LRMDA: variants seen among roughly 807,000 people sequenced by gnomAD.
The protein encoded by LRMDA is leucine-rich melanocyte differentiation-associated protein.
LRMDA carries 18 observed loss-of-function variants against 29.8 expected under a neutral mutation model. That is an observed-to-expected ratio of 0.60 (90% confidence interval 0.42 to 0.90). LRMDA has a LOEUF of 0.90. LRMDA is among the 40% of genes least tolerant of loss of function. The probability of loss-of-function intolerance (pLI) is 0.00; values close to 1 mark genes in which losing one functional copy is unlikely to be tolerated. For synonymous variants in LRMDA, 125 were observed against 109.4 expected (o/e 1.14, Z -0.89); for missense variants, 273 against 273.9 (o/e 1.00, Z 0.02).
intron 5 of LRMDA, among the ~76,000 whole-genome samples, chr10:76,316,403 C>T (rs1400622683): frequency 1.3e-5 from 2 of 152,038 alleles, no homozygotes; most frequent in African/African-American, 4.8e-5. Context: ...GTGGCCGAAC[C>T]CCGTGCTCAC....
intron 6 of LRMDA, among the ~76,000 whole-genome samples, chr10:76,534,648 C>T (rs1843272200): frequency 1.3e-5 from 2 of 152,008 alleles, no homozygotes; most frequent in African/African-American, 2.4e-5. Flanking sequence ...TAAGATGGCT[C>T]ATTATAAAAA....
chr10:76,211,299 A>C (rs1225865225), intron 5 of LRMDA, among the ~76,000 whole-genome samples: 1 of 152,148 alleles, frequency 6.6e-6, no homozygotes, highest in Non-Finnish European at 1.5e-5. Flanking sequence ...CCTTTGATTC[A>C]CAGTGCCTGA....
chr10:76,424,117 G>A (rs1842098795), intron 6 of LRMDA, among the ~76,000 whole-genome samples: 1 of 152,110 alleles, frequency 6.6e-6, no homozygotes, highest in East Asian at 1.9e-4. Context: ...CAATATCAAT[G>A]GCTGTGGATA....
intron 2 of LRMDA, among the ~76,000 whole-genome samples, chr10:75,874,644 A>G (rs1367725747): frequency 1.3e-5 from 2 of 152,198 alleles, no homozygotes; most frequent in Non-Finnish European, 2.9e-5. Context: ...CAAGAGACCT[A>G]GGTATTATGG....
At chr10:76,370,641 A>G (rs943506029) in intron 6 of LRMDA, among the ~76,000 whole-genome samples, 3 of 152,152 alleles carry the variant, frequency 2.0e-5, no homozygotes, top group African/African-American at 7.2e-5. Context: ...AACTTTTATT[A>G]TAGTATATTG....
intron 6 of LRMDA, among the ~76,000 whole-genome samples, chr10:76,432,132 C>T (rs1052952178): frequency 6.6e-6 from 1 of 152,136 alleles, no homozygotes; most frequent in African/African-American, 2.4e-5. Context: ...GGCTGATTAT[C>T]TCCAAACTTT....
At position 75,808,127 on chromosome 10, in the gene LRMDA, C is replaced by T. The variant is rs543171636; in HGVS notation, c.132-227881C>T. Among the ~76,000 whole-genome samples, 11 of 152,190 alleles carry T rather than the reference C, an allele frequency of 7.2e-5. 1 individual carries two copies. Among genetic ancestry groups the T allele is most frequent in the African/African-American group, 2.6e-4 (11 of 41,542 alleles). The stretch of plus-strand genomic sequence containing the variant: ...GAATAGAATGAACACCTCCTTTTTT[C>T]AGCCTCATTCTTTAGTGTGGGAGAG... On this transcript the variant is annotated intron_variant, in intron 2 of 6. Coordinates refer to ENST00000611255, the MANE Select transcript of LRMDA (RefSeq NM_001305581.2).
intron 2 of LRMDA, among the ~76,000 whole-genome samples, chr10:75,639,189 A>C (rs1256699084): frequency 6.6e-6 from 1 of 152,214 alleles, no homozygotes; most frequent in Non-Finnish European, 1.5e-5. Flanking sequence ...TGTAGGGAAG[A>C]TAGGATTCTT....
intron 5 of LRMDA, among the ~76,000 whole-genome samples, chr10:76,250,498 A>G (rs1852457051): frequency 6.6e-6 from 1 of 152,204 alleles, no homozygotes; most frequent in Non-Finnish European, 1.5e-5. Flanking sequence ...GAATACTAAC[A>G]TAACTTTGGA....
intron 2 of LRMDA, among the ~76,000 whole-genome samples, chr10:75,984,721 G>C (rs1311165351): frequency 6.6e-6 from 1 of 152,250 alleles, no homozygotes; most frequent in Non-Finnish European, 1.5e-5. Flanking sequence ...TGAAGGCCAT[G>C]ATTCTCAATT....
chr10:76,288,996 T>C (rs936489651), intron 5 of LRMDA, among the ~76,000 whole-genome samples: 18 of 152,326 alleles, frequency 1.2e-4, no homozygotes, highest in African/African-American at 3.6e-4. Context: ...ATATTTAATA[T>C]GTTCATTCCA....
intron 6 of LRMDA, among the ~76,000 whole-genome samples, chr10:76,332,934 A>G (rs566561789): frequency 6.6e-6 from 1 of 152,302 alleles, no homozygotes; most frequent in African/African-American, 2.4e-5. Context: ...CCAACCAAAC[A>G]ATATATTATA....
chr10:75,737,563 C>A lies in LRMDA; in HGVS notation c.132-298445C>A, dbSNP rs572831426. Among the ~76,000 whole-genome samples the A allele has an allele frequency of 6.6e-5, 10 of 152,296 alleles. No homozygotes were observed. The East Asian group carries it at 1.9e-3, about 29-fold the overall frequency. ...CAATGCTATATTTAATTTCCTAATC[C>A]TGTTTTGTTTTGTTTTTAAACCCAG... is the stretch of plus-strand genomic sequence containing the variant. On this transcript the variant is annotated intron_variant, in intron 2 of 6. Transcript: ENST00000611255.
rs560689535 is a variant in LRMDA at position 75,965,605 on chromosome 10, C to A, written c.132-70403C>A. Among the ~76,000 whole-genome samples the A allele has an allele frequency of 2.6e-4, 40 of 152,164 alleles. No homozygotes were observed. In the East Asian group the frequency reaches 2.7e-3, roughly 10 times the overall value. ...AGGCCACTGTGAAAAGAAAAAAAAA[C>A]CAAAACTCTACTTGTTGGGCTCTGT... On this transcript the variant is annotated intron_variant, in intron 2 of 6. Transcript: ENST00000611255.
At chr10:75,467,303 C>A (rs533290219) in intron 2 of LRMDA, among the ~76,000 whole-genome samples, 1 of 152,268 alleles carries the variant, frequency 6.6e-6, no homozygotes, top group Admixed American at 6.5e-5. Flanking sequence ...CAAGGCTTGG[C>A]TTGCCCTGGT....
intron 2 of LRMDA, among the ~76,000 whole-genome samples, chr10:75,570,193 A>G (rs1840421125): frequency 6.6e-6 from 1 of 152,222 alleles, no homozygotes; most frequent in Admixed American, 6.5e-5. Flanking sequence ...TTCCTCATCT[A>G]TAAAATGGAA....
At chr10:76,055,413 C>G (rs1275639382) in intron 4 of LRMDA, among the ~76,000 whole-genome samples, 3 of 152,206 alleles carry the variant, frequency 2.0e-5, no homozygotes, top group African/African-American at 7.2e-5. Flanking sequence ...AGCCTTTTAC[C>G]TGGATAAGCA....
chr10:75,655,022 C>T (rs4746318), intron 2 of LRMDA, among the ~76,000 whole-genome samples: 5,152 of 152,284 alleles, frequency 0.034, 199 homozygotes, highest in African/African-American at 0.1. Context: ...CTCTTCCCCA[C>T]GGAGGCAGCG....
intron 2 of LRMDA, among the ~76,000 whole-genome samples, chr10:75,521,699 C>T (rs1845361851): frequency 6.6e-6 from 1 of 152,200 alleles, no homozygotes; most frequent in East Asian, 1.9e-4. Flanking sequence ...CTTTGGCTCG[C>T]CCTCCGTGGG....
Sources: allele counts gnomAD v4.1 joint callset (sites outside exome capture counted in the v4.1 genomes callset), GRCh38; gene constraint gnomAD v4.1.1; transcripts MANE v1.5; gene names NCBI Gene and HGNC (gene_info 2026-07-23, HGNC 2026-07-21).